SARS2: variants seen among roughly 807,000 people sequenced by gnomAD.
SARS2 encodes seryl-tRNA synthetase 2, mitochondrial, also known as serine--tRNA ligase, mitochondrial.
A neutral mutation model predicts 66.8 loss-of-function variants in SARS2; 52 were observed. The ratio of observed to expected loss-of-function variants is 0.78; its 90% CI spans 0.62 to 0.98. The LOEUF is 0.98. Among genes scored for constraint, SARS2 ranks in the 50% least tolerant of loss-of-function variants. The pLI, the probability that SARS2 is intolerant of heterozygous loss-of-function variation, is 0.00. For missense variants in SARS2, 673 were observed against 706.3 expected, an observed-to-expected ratio of 0.95 and a Z score of 0.53; for synonymous variants, 306 against 281.4, an observed-to-expected ratio of 1.09 and a Z score of -0.87.
At chr19:38,925,637 A>T (rs1451313886) in intron 2 of SARS2, among the ~76,000 whole-genome samples, 1 of 152,198 alleles carries the variant, frequency 6.6e-6, no homozygotes, top group Non-Finnish European at 1.5e-5. Flanking sequence ...GGACTACAGC[A>T]GCCATCTGGA....
chr19:38,926,008 G>A (rs944581632), intron 2 of SARS2, among the ~76,000 whole-genome samples, 197 bp downstream of exon 2: 3 of 152,254 alleles, frequency 2.0e-5, no homozygotes, highest in African/African-American at 7.2e-5. Flanking sequence ...TAGAGATGGG[G>A]TTTCACCATG....
rs760777826 is a variant in SARS2 at position 38,915,577 on chromosome 19, C to T, written c.*29G>A. On this transcript the variant is annotated 3_prime_UTR_variant, in exon 16 of 16. Coordinates refer to ENST00000221431, the MANE Select transcript of SARS2 (RefSeq NM_017827.4). ...TCTCCTGAACTCCAGGAAGCAGTGA[C>T]ACCCCCGAGGGCTGCTGTGGGTGGG... The T allele has an allele frequency of 3.7e-6, 6 of 1,608,864 alleles. No individual in the cohort carries two copies. Among genetic ancestry groups the T allele is most frequent in the Admixed American group, 3.3e-5 (2 of 59,948 alleles).
Position 38,930,743 on chromosome 19 carries a change from C to T in SARS2, c.-7G>A. On this transcript the variant is annotated 5_prime_UTR_variant, in exon 1 of 16. Coordinates refer to ENST00000221431, the MANE Select transcript of SARS2 (RefSeq NM_017827.4). The stretch of plus-strand genomic sequence containing the variant: ...GCGCCATGGACGCAGCCATCTTGGA[C>T]CGGGAACAAGGCGGCACTTCGTCCC... 2 of 1,612,752 alleles carry T rather than the reference C, an allele frequency of 1.2e-6. No individual in the cohort carries two copies. Among genetic ancestry groups the T allele is most frequent in the Non-Finnish European group, 1.7e-6 (2 of 1,180,018 alleles).
intron 12 of SARS2, among the ~76,000 whole-genome samples, chr19:38,917,262 C>T (rs1395962866): frequency 2.0e-5 from 3 of 152,238 alleles, no homozygotes; most frequent in Non-Finnish European, 4.4e-5. Context: ...ACCCGGCTTA[C>T]GCTCCCAGTT....
In SARS2 at chr19:38,917,650, G is replaced by C. The variant is rs1974440631; in HGVS notation, c.1160+74C>G. Reference sequence around the variant, plus strand: ...GCTGGAGAGGTGGTTCCAGAGCGAAGAGCAGCTGGCCAGCCCCTTGTCCCT... The same window carrying C: ...GCTGGAGAGGTGGTTCCAGAGCGAACAGCAGCTGGCCAGCCCCTTGTCCCT... On this transcript the variant is annotated intron_variant, in intron 12 of 15. Transcript: ENST00000221431. 3.7e-5 allele frequency: 35 copies of C among 952,430 alleles called. No homozygotes were observed. In the South Asian group the frequency reaches 4.5e-4, roughly 12 times the overall value. 59.0% of individuals were successfully genotyped at this position (952,430 alleles called of 1,614,324 possible). A position where few individuals can be genotyped will look rare whatever the true frequency, so the allele number is the denominator to read the frequency against.
chr19:38,916,198 G>T (rs200269255), intron 13 of SARS2, 23 bp downstream of exon 13: 1 of 1,613,498 alleles, frequency 6.2e-7, no homozygotes, highest in African/African-American at 1.3e-5. Context: ...TGCCCACCCC[G>T]TCCCCAGCGG....
At chr19:38,929,157 C>T (rs1974681939) in intron 1 of SARS2, among the ~76,000 whole-genome samples, 1 of 151,376 alleles carries the variant, frequency 6.6e-6, no homozygotes. Context: ...GCAGAAGTCG[C>T]AGCGCACTCC....
chr19:38,928,536 C>T (rs1185823850), intron 1 of SARS2, among the ~76,000 whole-genome samples: 2 of 150,502 alleles, frequency 1.3e-5, no homozygotes, highest in African/African-American at 2.5e-5. Context: ...AAACCGGTTT[C>T]AATTTTGGGT....
chr19:38,922,350 G>A (rs1974552867), intron 2 of SARS2, 83 bp from the exon 3 acceptor site: 1 of 1,339,430 alleles, frequency 7.5e-7, no homozygotes, highest in Non-Finnish European at 1.1e-6. Flanking sequence ...GGTCAAACAA[G>A]GCCAGAGGAT....
In SARS2 at chr19:38,920,124, G is replaced by A; in HGVS notation, c.615C>T (p.His205=). 2 of 1,562,212 alleles carry A rather than the reference G, an allele frequency of 1.3e-6. No individual in the cohort carries two copies. Among genetic ancestry groups the A allele is most frequent in the East Asian group, 2.4e-5 (1 of 42,072 alleles). ...TGTCGAGTTTCTCGCCAATTTCCAG[G>A]TGGCCCCGAGGTTGGAAGGAGAAAA... The part of the protein sequence containing the change: ...KPVFSFQPRG[H]LEIGEKLDII... Residue 205 remains histidine (H), a synonymous_variant, in exon 6 of 16, where the codon CAC becomes CAT. Coordinates refer to ENST00000221431, the MANE Select transcript of SARS2 (RefSeq NM_017827.4).
chr19:38,929,050 C>T (rs955232716), intron 1 of SARS2, among the ~76,000 whole-genome samples: 3 of 151,888 alleles, frequency 2.0e-5, no homozygotes, highest in African/African-American at 7.3e-5. Context: ...AACCCCGTCT[C>T]TACTAAAAAT....
intron 2 of SARS2, among the ~76,000 whole-genome samples, chr19:38,924,067 G>A (rs1172378524): frequency 1.3e-5 from 2 of 152,072 alleles, no homozygotes; most frequent in Admixed American, 6.6e-5. Flanking sequence ...GGGAGGTGGA[G>A]GTTGCAGTGA....
chr19:38,923,366 C>T (rs922639002), intron 2 of SARS2, among the ~76,000 whole-genome samples: 2 of 147,502 alleles, frequency 1.4e-5, no homozygotes, highest in South Asian at 2.2e-4. Flanking sequence ...GGACTACAGG[C>T]GCCCGCCACT....
rs756056889 is a variant in SARS2 at position 38,921,347 on chromosome 19, C to T, written c.589+45G>A. On this transcript the variant is annotated intron_variant, in intron 5 of 15. Coordinates refer to ENST00000221431, the MANE Select transcript of SARS2 (RefSeq NM_017827.4). Reference sequence around the variant, plus strand: ...CCCCACCCCGAGACCCCAGAACCCCCACACCGCAGGGCTTGTCAGCTCCCA... The same window carrying T: ...CCCCACCCCGAGACCCCAGAACCCCTACACCGCAGGGCTTGTCAGCTCCCA... 10 of 1,606,762 alleles carry T rather than the reference C, an allele frequency of 6.2e-6. No homozygotes were observed. The Admixed American group carries it at 8.4e-5, about 13-fold the overall frequency.
chr19:38,921,991 C>T, intron 3 of SARS2: 3 of 1,551,942 alleles, frequency 1.9e-6, no homozygotes, highest in Non-Finnish European at 2.6e-6. Flanking sequence ...TTGACTTTGC[C>T]TCCTACTTAC....
Position 38,918,127 on chromosome 19 carries a change from T to G in SARS2, c.929A>C (p.Asp310Ala). ...AEVGLAGYFM[D>A]HTVAFRDLPV... ...CAGGTCCCTGAAGGCCACGGTGTGG[T>G]CCATGAAGTAGCCTGGGAGGAGAGA... Residue 310 changes from aspartate (D) to alanine (A), a missense_variant, in exon 10 of 16, where the codon GAC (aspartate) becomes GCC (alanine). By Grantham distance (126) the Asp-to-Ala change is moderately radical. Transcript: ENST00000221431. 1 of 1,598,778 alleles carries G rather than the reference T, an allele frequency of 6.3e-7. No individual in the cohort carries two copies. The highest frequency in any genetic ancestry group is 8.5e-7 in the Non-Finnish European group (1 of 1,173,174).
rs1160791027 is a variant in SARS2 at position 38,925,212 on chromosome 19, C to CT, written c.363+992dup. 5.9e-5 allele frequency among the ~76,000 whole-genome samples: 9 copies of CT among 152,268 alleles called. No individual in the cohort carries two copies. The South Asian group carries it at 1.7e-3, about 28-fold the overall frequency. The stretch of plus-strand genomic sequence containing the variant: ...TCTGTAATCCCAGCTACTGGGGAGG[C>CT]TGAGGCAGAAGAATCACTTGAACCC... On this transcript the variant is annotated intron_variant, in intron 2 of 15. Transcript: ENST00000221431.
Position 38,926,211 on chromosome 19 carries a change from G to A in SARS2, c.357C>T (p.Ala119=). The change falls in exon 2 of 16, where the codon GCC becomes GCT. Residue 119 remains alanine (A), a synonymous_variant. Transcript: ENST00000221431. ...EKAAVTEAVR[A]LLANQDSGEV... is the part of the protein sequence containing the mutation. ...CTCAGGGCACCATGCTCACCAGCAG[G>A]GCCCGCACTGCCTCAGTCACAGCTG... 3 of 1,605,478 alleles carry A rather than the reference G, an allele frequency of 1.9e-6. No homozygotes were observed. The highest frequency in any genetic ancestry group is 1.7e-6 in the Non-Finnish European group (2 of 1,179,454).
intron 12 of SARS2, 124 bp from the exon 13 acceptor site, chr19:38,916,438 G>C: frequency 1.2e-6 from 1 of 808,606 alleles, no homozygotes; most frequent in South Asian, 1.5e-5. Context: ...TTTGAGACCA[G>C]CCTGGGCAAC....
Sources: gnomAD v4.1 joint callset for allele counts (sites outside exome capture counted in the v4.1 genomes callset) on GRCh38, gnomAD v4.1.1 for gene constraint, MANE v1.5 for transcripts, NCBI Gene and HGNC (gene_info 2026-07-23, HGNC 2026-07-21) for gene names.